The following NTRK2 variants were observed in gnomAD, a reference collection of about 807,000 sequenced individuals.
The protein encoded by NTRK2 is BDNF/NT-3 growth factors receptor.
In NTRK2, 13 loss-of-function variants were observed where a neutral mutation model predicts 94.5. The ratio of observed to expected loss-of-function variants is 0.14; its 90% CI spans 0.09 to 0.22. The LOEUF (loss-of-function observed/expected upper bound fraction) is 0.22, where lower values mean the gene tolerates loss of function less well. Ranked by LOEUF, NTRK2 falls within the 10% of genes least tolerant of loss-of-function variation. NTRK2 has a pLI of 1.00. For synonymous variants in NTRK2, 372 were observed against 407.4 expected, an observed-to-expected ratio of 0.91 and a Z score of 1.05; for missense variants, 639 against 1,071.2, an observed-to-expected ratio of 0.60 and a Z score of 5.63.
Position 84,955,181 on chromosome 9 carries a change from G to A in NTRK2, c.1938-102G>A. On this transcript the variant is annotated intron_variant, in intron 16 of 18. Transcript: ENST00000277120. ...TTTAGCACCAGCAGCTACAGGGTGG[G>A]GGTGAGGAGCTTAGCAAGAGGGACG... 3 of 915,032 alleles carry A rather than the reference G, an allele frequency of 3.3e-6. No homozygotes were observed. In the South Asian group the frequency reaches 4.2e-5, roughly 13 times the overall value. 56.7% of individuals were successfully genotyped at this position (915,032 alleles called of 1,614,324 possible).
At chr9:84,774,550 A>C (rs1384083468) in intron 12 of NTRK2, among the ~76,000 whole-genome samples, 1 of 152,178 alleles carries the variant, frequency 6.6e-6, no homozygotes, top group Non-Finnish European at 1.5e-5. Context: ...CACACAGCTC[A>C]TTTCCAGAAT....
intron 12 of NTRK2, among the ~76,000 whole-genome samples, chr9:84,756,259 C>A (rs1310616254): frequency 6.6e-6 from 1 of 152,200 alleles, no homozygotes; most frequent in Non-Finnish European, 1.5e-5. Flanking sequence ...GAATAGGCAA[C>A]CATGCCTTTG....
intron 15 of NTRK2, among the ~76,000 whole-genome samples, chr9:84,937,753 G>A (rs1467921111): frequency 6.6e-6 from 1 of 152,172 alleles, no homozygotes; most frequent in African/African-American, 2.4e-5. Flanking sequence ...TTACCTTTAA[G>A]TAAGTCAATT....
intron 12 of NTRK2, among the ~76,000 whole-genome samples, chr9:84,769,928 T>C (rs2066375463): frequency 6.6e-6 from 1 of 152,220 alleles, no homozygotes; most frequent in Non-Finnish European, 1.5e-5. Flanking sequence ...TCCTGTGAGC[T>C]AAAGGAAGAG....
At chr9:84,794,006 TG>T (rs905913361) in intron 12 of NTRK2, among the ~76,000 whole-genome samples, 6 of 151,944 alleles carry the variant, frequency 3.9e-5, no homozygotes, top group Admixed American at 3.3e-4. Context: ...CAAAATGGAG[TG>T]GTTTTAGACA....
chr9:84,948,892 A>G (rs949992530), intron 16 of NTRK2, among the ~76,000 whole-genome samples: 32 of 152,342 alleles, frequency 2.1e-4, no homozygotes, highest in African/African-American at 7.2e-4. Flanking sequence ...CATTTGCTAC[A>G]TGGAGTGGTA....
chr9:84,925,656 T>G lies in NTRK2; in HGVS notation c.1634-8506T>G, dbSNP rs1239881793. On this transcript the variant is annotated intron_variant, in intron 14 of 18. Coordinates refer to ENST00000277120, the MANE Select transcript of NTRK2 (RefSeq NM_006180.6). ...ACCTCCCACAAGAGTCTTGCTGAGC[T>G]GCGGACTTTTGACAGGCAAAAGGCC... Among the ~76,000 whole-genome samples, 17 of 152,182 alleles carry G rather than the reference T, an allele frequency of 1.1e-4. 1 individual carries two copies.
At chr9:84,945,162 C>G (rs1157734814) in intron 15 of NTRK2, among the ~76,000 whole-genome samples, 1 of 152,224 alleles carries the variant, frequency 6.6e-6, no homozygotes, top group African/African-American at 2.4e-5. Flanking sequence ...CACTTGGTTT[C>G]TTTTCCTGGT....
Position 84,879,302 on chromosome 9 carries a change from T to TA in NTRK2, c.1633+11877dup, listed in dbSNP as rs534740025. Among the ~76,000 whole-genome samples, 412 of 152,242 alleles carry TA rather than the reference T, an allele frequency of 2.7e-3. 1 individual carries two copies. The highest frequency in any genetic ancestry group is 9.3e-3 in the African/African-American group (387 of 41,546). The stretch of plus-strand genomic sequence containing the variant: ...CTAGGGGAAAAATGGATAAAATTTT[T>TA]AAAAAATAAGGGAAATTCTTTAAAA... On this transcript the variant is annotated intron_variant, in intron 14 of 18. Transcript: ENST00000277120.
At chr9:84,719,754 C>T (rs1217522925) in intron 6 of NTRK2, among the ~76,000 whole-genome samples, 1 of 152,026 alleles carries the variant, frequency 6.6e-6, no homozygotes, top group African/African-American at 2.4e-5. Flanking sequence ...CACGGTGGCT[C>T]ATACCTATAA....
intron 9 of NTRK2, among the ~76,000 whole-genome samples, chr9:84,738,121 C>A (rs1433463078): frequency 6.6e-6 from 1 of 151,190 alleles, no homozygotes; most frequent in African/African-American, 2.5e-5. Context: ...ATATTTTATT[C>A]CACTGTCTCC....
At chr9:84,957,362 G>T (rs1168201577) in intron 17 of NTRK2, among the ~76,000 whole-genome samples, 1 of 152,044 alleles carries the variant, frequency 6.6e-6, no homozygotes, top group Non-Finnish European at 1.5e-5. Flanking sequence ...TCCTCTCTAG[G>T]AATCTCCAAA....
chr9:84,669,217 C>A (rs1044450037), upstream of NTRK2: 1 of 152,550 alleles, frequency 6.6e-6, no homozygotes, highest in African/African-American at 2.4e-5. This position sits in a 1 kb window ranked among gnomAD's most constrained non-coding sequence, Gnocchi z 4.1. Context: ...AGCTTGCCCT[C>A]CCTTTTAGGC....
intron 9 of NTRK2, among the ~76,000 whole-genome samples, chr9:84,732,196 G>A (rs1277890925): frequency 6.6e-6 from 1 of 152,144 alleles, no homozygotes. Context: ...GACTACAGGA[G>A]TTTTATGTTA....
chr9:84,821,320 TACAC>T (rs879336780), intron 12 of NTRK2, among the ~76,000 whole-genome samples: 47 of 79,050 alleles, frequency 5.9e-4, no homozygotes, highest in South Asian at 1.6e-3. Flanking sequence ...CACAAGAATT[TACAC>T]ACACACACAC....
chr9:84,765,478 C>T (rs1384594903), intron 12 of NTRK2, among the ~76,000 whole-genome samples: 2 of 152,090 alleles, frequency 1.3e-5, no homozygotes, highest in Admixed American at 6.5e-5. Flanking sequence ...CACTTGCAGC[C>T]TTTATTTTAT....
intron 14 of NTRK2, chr9:84,877,091 T>C: frequency 9.4e-7 from 1 of 1,064,600 alleles, no homozygotes; most frequent in East Asian, 5.0e-5. Context: ...ATCACTCATG[T>C]CCTGAATCAA....
chr9:84,925,857 C>T (rs2077746737), intron 14 of NTRK2, among the ~76,000 whole-genome samples: 1 of 152,184 alleles, frequency 6.6e-6, no homozygotes, highest in South Asian at 2.1e-4. Context: ...GCTCAAAGGT[C>T]TTCAATAGCT....
Position 84,937,651 on chromosome 9 carries a change from A to G in NTRK2, c.1764+3359A>G, listed in dbSNP as rs4877889. 7.0e-3 allele frequency among the ~76,000 whole-genome samples: 1,061 copies of G among 151,292 alleles called. 13 individuals are homozygous for G. The highest frequency in any genetic ancestry group is 0.017 in the Admixed American group (256 of 15,166). ...TTTTAGTGAAATTGATCTATCAACC[A>G]TTTTTTTTTCCCTTTGCACTGAGTT... On this transcript the variant is annotated intron_variant, in intron 15 of 18. Coordinates refer to ENST00000277120, the MANE Select transcript of NTRK2 (RefSeq NM_006180.6).
Sources: gnomAD v4.1 joint callset for allele counts (sites outside exome capture counted in the v4.1 genomes callset) on GRCh38, gnomAD v4.1.1 for gene constraint, Gnocchi (gnomAD v3.1) non-coding constraint, MANE v1.5 for transcripts, NCBI Gene and HGNC (gene_info 2026-07-23, HGNC 2026-07-21) for gene names.